The following PDS5B variants were observed in gnomAD, a reference collection of about 807,000 sequenced individuals.
The protein encoded by PDS5B is sister chromatid cohesion protein PDS5 homolog B.
PDS5B carries 51 observed loss-of-function variants against 184.1 expected under a neutral mutation model. The observed-to-expected ratio is 0.28, with a 90% CI of 0.22 to 0.35. PDS5B has a LOEUF of 0.35. Ranked by LOEUF, PDS5B falls within the 10% of genes least tolerant of loss-of-function variation. The pLI, the probability that PDS5B is intolerant of heterozygous loss-of-function variation, is 1.00. For synonymous variants in PDS5B, 566 were observed against 569.2 expected (o/e 0.99, Z 0.08); for missense variants, 1,180 against 1,723.3 (o/e 0.68, Z 5.58).
At chr13:32,643,869 A>G (rs148808977) in intron 1 of PDS5B, among the ~76,000 whole-genome samples, 3 of 152,274 alleles carry the variant, frequency 2.0e-5, no homozygotes, top group African/African-American at 4.8e-5. Context: ...ATGTATGACT[A>G]TGCACAGGAG....
intron 3 of PDS5B, among the ~76,000 whole-genome samples, chr13:32,655,918 G>A (rs1311436742): frequency 1.3e-5 from 2 of 152,046 alleles, no homozygotes; most frequent in Non-Finnish European, 2.9e-5. Flanking sequence ...TGTCCAGAAT[G>A]GTATTTCCTA....
intron 15 of PDS5B, among the ~76,000 whole-genome samples, chr13:32,698,472 C>G (rs1951770326): frequency 6.6e-6 from 1 of 152,090 alleles, no homozygotes; most frequent in South Asian, 2.1e-4. Flanking sequence ...TAAAAACATT[C>G]CATTTATCTT....
intron 11 of PDS5B, 28 bp from the exon 12 acceptor site, chr13:32,687,106 A>G (rs774531360): frequency 6.4e-7 from 1 of 1,554,702 alleles, no homozygotes. Context: ...GCCTTTTTAC[A>G]TTATAAATAA....
intron 31 of PDS5B, among the ~76,000 whole-genome samples, chr13:32,767,599 A>G (rs1038134858): frequency 2.0e-5 from 3 of 152,188 alleles, no homozygotes; most frequent in African/African-American, 7.2e-5. Context: ...AGATTGACTG[A>G]TTGACAGATT....
At chr13:32,687,325 G>A (rs1409780674) in intron 12 of PDS5B, 40 bp downstream of exon 12, 1 of 1,399,772 alleles carries the variant, frequency 7.1e-7, no homozygotes, top group Admixed American at 2.4e-5. Context: ...GACTTTGAAT[G>A]TTATATAACT....
chr13:32,645,267 G>A (rs1452216447), intron 1 of PDS5B, among the ~76,000 whole-genome samples: 2 of 152,190 alleles, frequency 1.3e-5, no homozygotes, highest in Non-Finnish European at 2.9e-5. Flanking sequence ...ACAGACAGGA[G>A]CCATTGTGCC....
rs112041924 is a variant in PDS5B at position 32,652,145 on chromosome 13, G to T, written c.312+138G>T. ...ACAGTAATCTTTTGCTAAACTTAAT[G>T]TTTTTTTTTTTTTTTAGAACTTATT... On this transcript the variant is annotated intron_variant, in intron 3 of 34. Coordinates refer to ENST00000315596, the MANE Select transcript of PDS5B (RefSeq NM_015032.4). 3.6e-3 allele frequency: 1,714 copies of T among 473,020 alleles called. 15 individuals are homozygous for T. The highest frequency in any genetic ancestry group is 0.021 in the African/African-American group (1,047 of 48,740). 29.3% of individuals were successfully genotyped at this position (473,020 alleles called of 1,614,324 possible).
intron 1 of PDS5B, among the ~76,000 whole-genome samples, chr13:32,601,113 A>C (rs1593242358): frequency 1.3e-5 from 2 of 152,124 alleles, no homozygotes; most frequent in Middle Eastern, 6.8e-3. Context: ...TACAAATTTG[A>C]ATCTCCTCCA....
chr13:32,720,044 C>T (rs895170742), intron 19 of PDS5B, among the ~76,000 whole-genome samples: 2 of 152,024 alleles, frequency 1.3e-5, no homozygotes, highest in South Asian at 4.2e-4. Context: ...GTAATCTGTC[C>T]GCCTTGGCCT....
At chr13:32,612,617 T>A (rs930706303) in intron 1 of PDS5B, among the ~76,000 whole-genome samples, 1 of 152,156 alleles carries the variant, frequency 6.6e-6, no homozygotes, top group Non-Finnish European at 1.5e-5. Context: ...TTCAGCAGTG[T>A]TGGGAGGTGG....
intron 24 of PDS5B, among the ~76,000 whole-genome samples, chr13:32,751,524 A>G (rs1000261517): frequency 6.6e-6 from 1 of 152,078 alleles, no homozygotes; most frequent in Non-Finnish European, 1.5e-5. Flanking sequence ...AGCATCTATT[A>G]TTTTTTGGCT....
intron 2 of PDS5B, among the ~76,000 whole-genome samples, chr13:32,651,476 A>T (rs1325695389): frequency 6.6e-6 from 1 of 152,232 alleles, no homozygotes; most frequent in Non-Finnish European, 1.5e-5. Context: ...TACTCCTTTT[A>T]GTCCAGTTGT....
rs563711951 is a variant in PDS5B, at chr13:32,740,924, T to A, written c.2407-156T>A. The stretch of plus-strand genomic sequence containing the variant: ...ATGCCTTTCAACCTTTTTTTTTTTT[T>A]AAAGTAAATAGGGTTAGATGAAGTA... On this transcript the variant is annotated intron_variant, in intron 21 of 34. Coordinates refer to ENST00000315596, the MANE Select transcript of PDS5B (RefSeq NM_015032.4). 3.3e-5 allele frequency among the ~76,000 whole-genome samples: 5 copies of A among 151,518 alleles called. No individual in the cohort carries two copies. In the East Asian group the frequency reaches 7.7e-4, roughly 23 times the overall value.
chr13:32,746,681 A>T (rs1427158106), intron 24 of PDS5B, among the ~76,000 whole-genome samples: 1 of 152,156 alleles, frequency 6.6e-6, no homozygotes. Context: ...AACATCAACC[A>T]CAAAACTGTG....
intron 24 of PDS5B, among the ~76,000 whole-genome samples, chr13:32,749,367 G>A (rs919523891): frequency 6.6e-6 from 1 of 152,062 alleles, no homozygotes; most frequent in Admixed American, 6.5e-5. Context: ...TATGCTTTGC[G>A]CTTTAGTACA....
intron 19 of PDS5B, among the ~76,000 whole-genome samples, chr13:32,718,410 A>G (rs1418764123): frequency 6.6e-6 from 1 of 152,288 alleles, no homozygotes; most frequent in Admixed American, 6.5e-5. Context: ...TCGGCCTCCC[A>G]AGGTACTGGG....
chr13:32,677,223 G>C (rs1951096175), intron 9 of PDS5B, among the ~76,000 whole-genome samples: 1 of 151,868 alleles, frequency 6.6e-6, no homozygotes, highest in African/African-American at 2.4e-5. Flanking sequence ...AAATACAATG[G>C]AAAGTTTTTA....
At chr13:32,669,937 C>CTA (rs1950890607) in intron 7 of PDS5B, among the ~76,000 whole-genome samples, 1 of 152,102 alleles carries the variant, frequency 6.6e-6, no homozygotes, top group Admixed American at 6.6e-5. Context: ...TGGACTTAAT[C>CTA]GTCTTGTAGT....
rs764626449 is a variant in PDS5B, at chr13:32,773,235, A to C, written c.4219A>C (p.Ser1407Arg). The change falls in exon 34 of 35, where the codon AGT becomes CGT. Residue 1407 changes from serine to arginine, a missense_variant. Physicochemically the swap from Ser to Arg is moderately radical, Grantham distance 110. Coordinates refer to ENST00000315596, the MANE Select transcript of PDS5B (RefSeq NM_015032.4). ...KQAATKENDS[S>R]EEVDVFQGSS... ...AGCAGCTACTAAGGAAAATGATTCAAGTGAAGAAGTAGATGTGTTTCAGGG... is the reference window on the plus strand; with the variant it reads ...AGCAGCTACTAAGGAAAATGATTCACGTGAAGAAGTAGATGTGTTTCAGGG... The C allele has an allele frequency of 7.4e-6, 12 of 1,613,384 alleles. No homozygotes were observed. The highest frequency in any genetic ancestry group is 1.0e-5 in the Non-Finnish European group (12 of 1,179,580).
Sources: gnomAD v4.1 joint callset for allele counts (sites outside exome capture counted in the v4.1 genomes callset) on GRCh38, gnomAD v4.1.1 for gene constraint, MANE v1.5 for transcripts, NCBI Gene and HGNC (gene_info 2026-07-23, HGNC 2026-07-21) for gene names.